NAV2: variants seen among roughly 807,000 people sequenced by gnomAD.
NAV2 encodes the protein helicase, APC down-regulated 1.
Under a neutral mutation model 223.2 loss-of-function variants are expected in NAV2, and 54 were observed. The observed-to-expected ratio is 0.24, with a 90% CI of 0.19 to 0.30. The LOEUF is 0.30. Ranked by LOEUF, NAV2 falls within the 10% of genes least tolerant of loss-of-function variation. The pLI is 1.00. For synonymous variants in NAV2, 1,279 were observed against 1,239.3 expected (o/e 1.03, Z -0.67); for missense variants, 2,806 against 3,147.5 (o/e 0.89, Z 2.60).
At chr11:19,646,154 C>A (rs1313385732) in intron 1 of NAV2, among the ~76,000 whole-genome samples, 4 of 152,206 alleles carry the variant, frequency 2.6e-5, no homozygotes, top group Non-Finnish European at 5.9e-5. Context: ...GAGGCCAGGG[C>A]TGGGGGCTTC....
intron 1 of NAV2, among the ~76,000 whole-genome samples, chr11:19,803,355 C>A (rs1410196862): frequency 3.9e-5 from 6 of 152,186 alleles, no homozygotes; most frequent in African/African-American, 1.2e-4. Flanking sequence ...CCCTTTAATG[C>A]CCTTTAGCAG....
chr11:19,595,256 TG>T lies in NAV2; in HGVS notation c.76-237227del, dbSNP rs774320346. On this transcript the variant is annotated intron_variant, in intron 1 of 37. Transcript: ENST00000360655. ...ACCTGCCCTGTCCTTGGGCTAAGCA[TG>T]TAACCATGACCAGGGAGCATCCTCA... Among the ~76,000 whole-genome samples the T allele has an allele frequency of 2.1e-4, 32 of 152,278 alleles. No homozygotes were observed. The East Asian group carries it at 5.8e-3, about 28-fold the overall frequency.
intron 1 of NAV2, among the ~76,000 whole-genome samples, chr11:19,768,415 C>T (rs1369740216): frequency 3.3e-5 from 5 of 151,996 alleles, no homozygotes; most frequent in African/African-American, 4.8e-5. Flanking sequence ...AAAAAGTAGC[C>T]GATAAGGGCT....
chr11:19,796,622 T>A (rs1355812080), intron 1 of NAV2, among the ~76,000 whole-genome samples: 1 of 152,194 alleles, frequency 6.6e-6, no homozygotes, highest in Non-Finnish European at 1.5e-5. Flanking sequence ...ACCCTGAAAC[T>A]GGTGTGCCCA....
intron 6 of NAV2, among the ~76,000 whole-genome samples, chr11:19,908,889 T>G (rs1812624): frequency 0.31 from 47,251 of 152,070 alleles, 10,781 homozygotes; most frequent in African/African-American, 0.63. Context: ...GATGAAGAGT[T>G]GCTAGAGTTT....
chr11:19,676,437 C>A (rs184910737), intron 1 of NAV2, among the ~76,000 whole-genome samples: 271 of 152,100 alleles, frequency 1.8e-3, no homozygotes, highest in African/African-American at 6.2e-3. Flanking sequence ...ATGCTTGGTG[C>A]ATGGTAAATA....
chr11:19,435,289 C>T (rs1031375462), intron 1 of NAV2, among the ~76,000 whole-genome samples: 1 of 152,062 alleles, frequency 6.6e-6, no homozygotes, highest in Non-Finnish European at 1.5e-5. Context: ...ATGAGTCTGG[C>T]TTTTTTGGAT....
chr11:19,921,194 G>T (rs924369738), intron 6 of NAV2, among the ~76,000 whole-genome samples: 7 of 152,278 alleles, frequency 4.6e-5, no homozygotes, highest in East Asian at 1.9e-4. Flanking sequence ...CTAAGTGTCT[G>T]CATTCTTGGC....
At chr11:19,848,997 A>G (rs1439170420) in intron 3 of NAV2, among the ~76,000 whole-genome samples, 1 of 152,188 alleles carries the variant, frequency 6.6e-6, no homozygotes, top group Non-Finnish European at 1.5e-5. Context: ...TGTGGAAGAG[A>G]ACAACACCTC....
At chr11:19,352,298 A>G (rs991669993) in intron 1 of NAV2, among the ~76,000 whole-genome samples, 24 of 152,254 alleles carry the variant, frequency 1.6e-4, no homozygotes, top group African/African-American at 5.8e-4. Flanking sequence ...AACAGAACCC[A>G]GGATTGATTG....
intron 11 of NAV2, among the ~76,000 whole-genome samples, chr11:20,023,904 A>T (rs1258071312): frequency 6.6e-6 from 1 of 152,172 alleles, no homozygotes; most frequent in East Asian, 1.9e-4. Context: ...CATCTAGCAG[A>T]CATTGTGTCA....
intron 1 of NAV2, among the ~76,000 whole-genome samples, chr11:19,386,164 A>G (rs1289659357): frequency 1.3e-5 from 2 of 152,350 alleles, no homozygotes; most frequent in South Asian, 2.1e-4. Flanking sequence ...CTTGCCCCAA[A>G]GCATGAATGC....
chr11:19,424,907 A>G (rs1302240190), intron 1 of NAV2, among the ~76,000 whole-genome samples: 1 of 152,158 alleles, frequency 6.6e-6, no homozygotes, highest in Non-Finnish European at 1.5e-5. Flanking sequence ...AAAAATATTT[A>G]AAGTATTTAG....
intron 11 of NAV2, among the ~76,000 whole-genome samples, chr11:20,023,951 A>G (rs1351353645): frequency 1.3e-5 from 2 of 152,194 alleles, no homozygotes; most frequent in South Asian, 4.1e-4. Flanking sequence ...ATTACATTCA[A>G]TTTTGAAAAT....
intron 11 of NAV2, among the ~76,000 whole-genome samples, chr11:20,012,876 G>A (rs923568978): frequency 2.0e-5 from 3 of 152,182 alleles, no homozygotes; most frequent in Non-Finnish European, 4.4e-5. Flanking sequence ...TCAGAAGCCT[G>A]GGGGCTTACC....
At chr11:19,677,261 C>T (rs1187487321) in intron 1 of NAV2, among the ~76,000 whole-genome samples, 1 of 152,238 alleles carries the variant, frequency 6.6e-6, no homozygotes, top group Non-Finnish European at 1.5e-5. Context: ...CCAGGCAAGC[C>T]ATTTGGGCAA....
At chr11:19,964,049 C>G (rs1382360925) in intron 10 of NAV2, among the ~76,000 whole-genome samples, 1 of 152,134 alleles carries the variant, frequency 6.6e-6, no homozygotes, top group Non-Finnish European at 1.5e-5. Context: ...TCAGCGCCAC[C>G]CTGAGACCTC....
chr11:19,871,380 C>T (rs1395996458), intron 4 of NAV2, among the ~76,000 whole-genome samples: 9 of 152,236 alleles, frequency 5.9e-5, no homozygotes, highest in Admixed American at 2.0e-4. Context: ...GGCATGCCGG[C>T]GTGACTTTCT....
chr11:19,666,786 C>T (rs773393368), intron 1 of NAV2, among the ~76,000 whole-genome samples: 3 of 152,168 alleles, frequency 2.0e-5, no homozygotes, highest in Non-Finnish European at 4.4e-5. Flanking sequence ...CTCAATGAGA[C>T]TCCACCTGGC....
Sources: allele counts gnomAD v4.1 joint callset (sites outside exome capture counted in the v4.1 genomes callset), GRCh38; gene constraint gnomAD v4.1.1; transcripts MANE v1.5; gene names NCBI Gene and HGNC (gene_info 2026-07-23, HGNC 2026-07-21).